Variants in SHANK2 observed in about 807,000 individuals in gnomAD.
SHANK2 encodes SH3 and multiple ankyrin repeat domains protein 2.
In SHANK2, 43 loss-of-function variants were observed where a neutral mutation model predicts 133.7. That is an observed-to-expected ratio of 0.32 (90% confidence interval 0.25 to 0.41). The LOEUF (loss-of-function observed/expected upper bound fraction) is 0.41. SHANK2 is among the 10% of genes least tolerant of loss of function. The pLI is 1.00. For synonymous variants in SHANK2, 1,017 were observed against 952.8 expected (o/e 1.07, Z -1.24); for missense variants, 1,994 against 2,235.8 (o/e 0.89, Z 2.18).
At chr11:71,247,683 G>A (rs1011395948) in intron 1 of SHANK2, among the ~76,000 whole-genome samples, 2 of 152,122 alleles carry the variant, frequency 1.3e-5, no homozygotes, top group East Asian at 1.9e-4. Context: ...GGGAGCTCCC[G>A]TGCTGCCTTT....
At position 70,638,156 on chromosome 11, in the gene SHANK2, G is replaced by A. The variant is rs115353107; in HGVS notation, c.2061+21672C>T. ...CCATAATCTGGCAAATACACTAATC[G>A]TCACTGCACTGCTCAGAGCAGGAGC... On this transcript the variant is annotated intron_variant, in intron 17 of 25. Transcript: ENST00000601538. Among the ~76,000 whole-genome samples, 846 of 152,236 alleles carry A rather than the reference G, an allele frequency of 5.6e-3. 5 individuals are homozygous for A. The highest frequency in any genetic ancestry group is 0.019 in the African/African-American group (809 of 41,570).
At chr11:70,564,160 G>C (rs1248551958) in intron 17 of SHANK2, among the ~76,000 whole-genome samples, 2 of 151,942 alleles carry the variant, frequency 1.3e-5, no homozygotes, top group Admixed American at 1.3e-4. Flanking sequence ...TGTGTCTTGT[G>C]CTTGGAGTCT....
At chr11:70,850,441 G>A (rs556678978) in intron 11 of SHANK2, among the ~76,000 whole-genome samples, 1 of 152,280 alleles carries the variant, frequency 6.6e-6, no homozygotes, top group South Asian at 2.1e-4. Context: ...GGGGGCCAGG[G>A]TGGTGTGGTT....
At position 71,232,169 on chromosome 11, in the gene SHANK2, C is replaced by T. The variant is rs77963759; in HGVS notation, c.-112-7373G>A. Among the ~76,000 whole-genome samples, 24 of 152,138 alleles carry T rather than the reference C, an allele frequency of 1.6e-4. 1 individual carries two copies. The South Asian group carries it at 4.4e-3, about 28-fold the overall frequency. ...TTCCATTTCTGTATAATTACTGAAACGACAAAATTACAGAGATGGAGAACA... is the reference window on the plus strand; with the variant it reads ...TTCCATTTCTGTATAATTACTGAAATGACAAAATTACAGAGATGGAGAACA... On this transcript the variant is annotated intron_variant, in intron 1 of 25. Coordinates refer to ENST00000601538, the MANE Select transcript of SHANK2 (RefSeq NM_012309.5).
At chr11:71,068,827 A>C (rs1310771751) in intron 9 of SHANK2, among the ~76,000 whole-genome samples, 2 of 152,220 alleles carry the variant, frequency 1.3e-5, no homozygotes, top group Admixed American at 1.3e-4. Flanking sequence ...GCTCACCACC[A>C]TCATCAGCAC....
At chr11:71,100,545 C>T (rs567779208) in intron 6 of SHANK2, among the ~76,000 whole-genome samples, 8 of 152,202 alleles carry the variant, frequency 5.3e-5, no homozygotes, top group Admixed American at 2.6e-4. Context: ...GATTCCAACT[C>T]GATGACATTC....
chr11:70,630,420 G>A (rs1249890304), intron 17 of SHANK2, among the ~76,000 whole-genome samples: 11 of 152,220 alleles, frequency 7.2e-5, no homozygotes, highest in African/African-American at 2.7e-4. Flanking sequence ...GGCATCTCTA[G>A]GCCTCTGGAA....
intron 12 of SHANK2, among the ~76,000 whole-genome samples, chr11:70,809,436 C>A (rs183623018): frequency 2.0e-4 from 31 of 152,310 alleles, no homozygotes; most frequent in Admixed American, 3.9e-4. Flanking sequence ...ATAAGCCTCC[C>A]CCTGATCACC....
At chr11:70,666,110 G>A (rs541805593) in intron 15 of SHANK2, among the ~76,000 whole-genome samples, 2 of 152,272 alleles carry the variant, frequency 1.3e-5, no homozygotes, top group Admixed American at 6.5e-5. Flanking sequence ...TGACTACAGG[G>A]TTTCGAGTAA....
In SHANK2 at chr11:71,076,883, G is replaced by A. The variant is rs987361657; in HGVS notation, c.913-1608C>T. Reference sequence around the variant, plus strand: ...TAGAACATTCATCACAACTACTGGGGAAAAAGTTCTTTCCTTCTTCCAGAG... The same window carrying A: ...TAGAACATTCATCACAACTACTGGGAAAAAAGTTCTTTCCTTCTTCCAGAG... On this transcript the variant is annotated intron_variant, in intron 8 of 25. Transcript: ENST00000601538. Among the ~76,000 whole-genome samples, 40 of 152,346 alleles carry A rather than the reference G, an allele frequency of 2.6e-4. No individual in the cohort carries two copies. The South Asian group carries it at 7.7e-3, about 29-fold the overall frequency.
chr11:70,917,035 C>T (rs1038887152), intron 10 of SHANK2, among the ~76,000 whole-genome samples: 1 of 152,066 alleles, frequency 6.6e-6, no homozygotes, highest in Non-Finnish European at 1.5e-5. Context: ...AGAGGGAAAG[C>T]GACCAAGAGA....
chr11:70,606,537 G>T (rs1420521401), intron 17 of SHANK2, among the ~76,000 whole-genome samples: 3 of 103,552 alleles, frequency 2.9e-5, no homozygotes, highest in Admixed American at 1.1e-4. Context: ...AAAAAAAAAA[G>T]GCCCTAGCTT....
intron 17 of SHANK2, among the ~76,000 whole-genome samples, chr11:70,526,858 A>G (rs1452733273): frequency 6.6e-6 from 1 of 151,006 alleles, no homozygotes; most frequent in Non-Finnish European, 1.5e-5. Context: ...CCCCCTCGGA[A>G]TCACATCCCG....
At chr11:71,166,625 G>C (rs1206886311) in intron 2 of SHANK2, among the ~76,000 whole-genome samples, 1 of 151,748 alleles carries the variant, frequency 6.6e-6, no homozygotes, top group African/African-American at 2.4e-5. Flanking sequence ...GGGATTACAG[G>C]CTCCTGCCAC....
chr11:71,137,581 C>T (rs1302174364), intron 3 of SHANK2, among the ~76,000 whole-genome samples: 1 of 152,126 alleles, frequency 6.6e-6, no homozygotes, highest in East Asian at 1.9e-4. Context: ...GAAGTTCTAT[C>T]GGTGCCAGGG....
At chr11:70,814,808 G>A (rs532100724) in intron 12 of SHANK2, among the ~76,000 whole-genome samples, 4 of 152,344 alleles carry the variant, frequency 2.6e-5, no homozygotes, top group South Asian at 2.1e-4. Context: ...CCCAAGCAAC[G>A]TTCTTGAAGG....
intron 14 of SHANK2, among the ~76,000 whole-genome samples, chr11:70,776,524 T>C (rs1555043924): frequency 1.3e-5 from 2 of 152,172 alleles, no homozygotes; most frequent in Non-Finnish European, 2.9e-5. Context: ...GCCTTCCCTG[T>C]TGCTCACAAA....
rs144435541 is a variant in SHANK2, at chr11:70,811,575, C to A, written c.1494-4404G>T. 2.4e-3 allele frequency among the ~76,000 whole-genome samples: 362 copies of A among 152,160 alleles called. 1 individual carries two copies. Among genetic ancestry groups the A allele is most frequent in the South Asian group, 8.7e-3 (42 of 4,806 alleles). ...ATCCATCATCGATCCATCCATCCAT[C>A]CATCTACCCATCCATCCACCCATCC... On this transcript the variant is annotated intron_variant, in intron 12 of 25. Transcript: ENST00000601538.
intron 14 of SHANK2, among the ~76,000 whole-genome samples, chr11:70,771,970 T>C (rs1947260084): frequency 6.6e-6 from 1 of 151,914 alleles, no homozygotes; most frequent in Non-Finnish European, 1.5e-5. Context: ...GTCTAAAAGG[T>C]GAAGGTCTCT....
Sources: allele counts gnomAD v4.1 joint callset (sites outside exome capture counted in the v4.1 genomes callset), GRCh38; gene constraint gnomAD v4.1.1; transcripts MANE v1.5; gene names NCBI Gene and HGNC (gene_info 2026-07-23, HGNC 2026-07-21).